The following DLG2 variants were observed in gnomAD, a reference collection of about 807,000 sequenced individuals.
The protein encoded by DLG2 is disks large homolog 2.
A neutral mutation model predicts 132.5 loss-of-function variants in DLG2; 45 were observed. That is an observed-to-expected ratio of 0.34 (90% CI 0.27 to 0.44). The LOEUF (loss-of-function observed/expected upper bound fraction) is 0.44. Ranked by LOEUF, DLG2 falls within the 20% of genes least tolerant of loss-of-function variation. DLG2 has a pLI of 1.00. For synonymous variants in DLG2, 424 were observed against 419.6 expected, an observed-to-expected ratio of 1.01 and a Z score of -0.13; for missense variants, 1,045 against 1,196.9, an observed-to-expected ratio of 0.87 and a Z score of 1.87.
intron 10 of DLG2, among the ~76,000 whole-genome samples, chr11:84,089,417 C>T (rs1439247908): frequency 6.6e-6 from 1 of 152,160 alleles, no homozygotes; most frequent in Non-Finnish European, 1.5e-5. Context: ...CCCTCCCCTT[C>T]TGTCTTTCTC....
intron 7 of DLG2, among the ~76,000 whole-genome samples, chr11:84,499,255 G>C (rs1640680742): frequency 6.6e-6 from 1 of 152,084 alleles, no homozygotes; most frequent in African/African-American, 2.4e-5. Flanking sequence ...CTGCTTCATA[G>C]GGCTGTTACA....
intron 6 of DLG2, among the ~76,000 whole-genome samples, chr11:85,000,929 C>G (rs1484987393): frequency 1.3e-5 from 2 of 152,076 alleles, no homozygotes; most frequent in Non-Finnish European, 2.9e-5. Flanking sequence ...CATAACCCAA[C>G]TCCTCTCTGC....
intron 6 of DLG2, among the ~76,000 whole-genome samples, chr11:85,026,491 T>C (rs1042503885): frequency 6.6e-6 from 1 of 152,158 alleles, no homozygotes; most frequent in African/African-American, 2.4e-5. Flanking sequence ...GAATATATAT[T>C]GTTAAAGCTT....
chr11:84,103,275 C>T (rs1327077912), intron 9 of DLG2, among the ~76,000 whole-genome samples: 2 of 152,124 alleles, frequency 1.3e-5, no homozygotes, highest in Non-Finnish European at 2.9e-5. Context: ...ATTGAAATTG[C>T]TGCCTGCTGC....
intron 4 of DLG2, among the ~76,000 whole-genome samples, chr11:85,234,051 T>C (rs374114484): frequency 6.6e-6 from 1 of 151,918 alleles, no homozygotes; most frequent in South Asian, 2.1e-4. Flanking sequence ...TCCACTGTGC[T>C]GGGTAATGAG....
intron 3 of DLG2, among the ~76,000 whole-genome samples, chr11:85,529,987 G>GTTTTT (rs59507021): frequency 4.1e-4 from 46 of 113,090 alleles, no homozygotes; most frequent in South Asian, 6.0e-4. Flanking sequence ...GAGAGGGTTT[G>GTTTTT]TTTTTTTTTT....
At chr11:83,651,701 C>A in intron 18 of DLG2, 1 of 328,102 alleles carries the variant, frequency 3.0e-6, no homozygotes, top group Non-Finnish European at 6.5e-6. Context: ...AATTACTAAC[C>A]AGAAAGAGAA....
intron 5 of DLG2, among the ~76,000 whole-genome samples, chr11:85,145,744 T>C (rs577775292): frequency 3.9e-5 from 6 of 152,236 alleles, no homozygotes; most frequent in African/African-American, 9.6e-5. Flanking sequence ...CTCTGTGTTA[T>C]CTTGATGCTC....
chr11:85,592,282 C>T (rs527832232), intron 3 of DLG2, among the ~76,000 whole-genome samples: 1 of 152,142 alleles, frequency 6.6e-6, no homozygotes, highest in East Asian at 1.9e-4. Flanking sequence ...AACTAAAACA[C>T]TTGTACTCTT....
intron 2 of DLG2, among the ~76,000 whole-genome samples, chr11:85,602,891 C>A (rs141633571): frequency 6.6e-4 from 100 of 152,306 alleles, no homozygotes; most frequent in African/African-American, 2.3e-3. Context: ...TCACTTCTTT[C>A]ATATCTCTGC....
At chr11:83,794,015 G>C (rs1386418835) in intron 17 of DLG2, among the ~76,000 whole-genome samples, 1 of 152,150 alleles carries the variant, frequency 6.6e-6, no homozygotes, top group East Asian at 1.9e-4. Context: ...ACTGAAGTTA[G>C]CATAGGGATA....
intron 6 of DLG2, among the ~76,000 whole-genome samples, chr11:84,642,944 T>C (rs545509414): frequency 5.9e-4 from 90 of 152,332 alleles, no homozygotes; most frequent in African/African-American, 2.1e-3. Flanking sequence ...AAAGAGTCCT[T>C]AAAATAATGC....
At chr11:84,768,805 C>G (rs1414333921) in intron 6 of DLG2, among the ~76,000 whole-genome samples, 1 of 152,074 alleles carries the variant, frequency 6.6e-6, no homozygotes, top group Non-Finnish European at 1.5e-5. Flanking sequence ...AGGAATCTCT[C>G]TAGCCCAGCT....
intron 6 of DLG2, among the ~76,000 whole-genome samples, chr11:84,759,575 T>A (rs1324791973): frequency 6.6e-6 from 1 of 152,202 alleles, no homozygotes; most frequent in Non-Finnish European, 1.5e-5. Flanking sequence ...AGTCAACTGA[T>A]TCCAAAAACA....
At chr11:84,703,887 C>A (rs868131703) in intron 6 of DLG2, among the ~76,000 whole-genome samples, 1 of 114,746 alleles carries the variant, frequency 8.7e-6, no homozygotes, top group African/African-American at 3.6e-5. Context: ...TATATATACA[C>A]GTGTGTGTGT....
chr11:85,431,147 A>G (rs2091155497), intron 3 of DLG2, among the ~76,000 whole-genome samples: 1 of 152,206 alleles, frequency 6.6e-6, no homozygotes, highest in Admixed American at 6.5e-5. Context: ...CCAAATATCC[A>G]CTTTCAGATC....
In DLG2 at chr11:85,522,923, G is replaced by A. The variant is rs370828560; in HGVS notation, c.40+75734C>T. Reference sequence around the variant, plus strand: ...AACTTGAACTTTTGGGTTAATGCTGGAATGAGTTAAGACATTGGGTGACTG... The same window carrying A: ...AACTTGAACTTTTGGGTTAATGCTGAAATGAGTTAAGACATTGGGTGACTG... On this transcript the variant is annotated intron_variant, in intron 3 of 27. Coordinates refer to ENST00000376104, the MANE Select transcript of DLG2 (RefSeq NM_001142699.3). 1.1e-4 allele frequency among the ~76,000 whole-genome samples: 16 copies of A among 152,184 alleles called. No individual in the cohort carries two copies. In the East Asian group the frequency reaches 1.2e-3, roughly 11 times the overall value.
chr11:85,306,199 T>C (rs985952972), intron 3 of DLG2, among the ~76,000 whole-genome samples: 1 of 152,230 alleles, frequency 6.6e-6, no homozygotes, highest in African/African-American at 2.4e-5. Context: ...CTTCTCCTGG[T>C]TTCAGCCTCA....
At chr11:83,883,449 TA>T (rs1323422203) in intron 15 of DLG2, among the ~76,000 whole-genome samples, 1 of 152,182 alleles carries the variant, frequency 6.6e-6, no homozygotes, top group African/African-American at 2.4e-5. Context: ...AGGTAAGAAT[TA>T]AAAGTGAACT....
Sources: allele counts gnomAD v4.1 joint callset (sites outside exome capture counted in the v4.1 genomes callset), GRCh38; gene constraint gnomAD v4.1.1; transcripts MANE v1.5; gene names NCBI Gene and HGNC (gene_info 2026-07-23, HGNC 2026-07-21).